Variants in VPS36 observed in about 807,000 individuals in gnomAD.
The protein encoded by VPS36 is vacuolar protein-sorting-associated protein 36.
VPS36 carries 31 observed loss-of-function variants against 63.5 expected under a neutral mutation model. The observed-to-expected ratio is 0.49, with a 90% CI of 0.37 to 0.66. The LOEUF (loss-of-function observed/expected upper bound fraction) is 0.66, where lower values mean the gene tolerates loss of function less well. VPS36 is among the 30% of genes least tolerant of loss of function. The probability of loss-of-function intolerance (pLI) is 0.00; values close to 1 mark genes in which losing one functional copy is unlikely to be tolerated. For missense variants in VPS36, 338 were observed against 463.7 expected, an observed-to-expected ratio of 0.73 and a Z score of 2.49; for synonymous variants, 138 against 157.2, an observed-to-expected ratio of 0.88 and a Z score of 0.91.
chr13:52,429,328 T>C, intron 6 of VPS36: 1 of 982,490 alleles, frequency 1.0e-6, no homozygotes, highest in Non-Finnish European at 1.2e-6. Flanking sequence ...CATATTCCAT[T>C]CCCTTTTCCT....
chr13:52,433,760 AAG>A lies in VPS36; in HGVS notation c.442-14_442-13del. 1.3e-6 allele frequency: 2 copies of A among 1,587,708 alleles called. No homozygotes were observed. Among genetic ancestry groups the A allele is most frequent in the Non-Finnish European group, 1.7e-6 (2 of 1,171,684 alleles). On this transcript the variant is annotated splice_polypyrimidine_tract_variant and intron_variant, in intron 5 of 13. Coordinates refer to ENST00000378060, the MANE Select transcript of VPS36 (RefSeq NM_016075.4). ...CTTATTCTTCCTGGCTGAAAAAAAAAAGAGGTAGAAAATAAAACATACAAAAT... is the reference window on the plus strand; with the variant it reads ...CTTATTCTTCCTGGCTGAAAAAAAAAAGGTAGAAAATAAAACATACAAAAT...
At chr13:52,444,166 T>A (rs1360227506) in intron 1 of VPS36, among the ~76,000 whole-genome samples, 1 of 152,200 alleles carries the variant, frequency 6.6e-6, no homozygotes, top group Non-Finnish European at 1.5e-5. Flanking sequence ...AAATAATATG[T>A]TAAAAATATG....
rs748761322 is a variant in VPS36 at position 52,413,362 on chromosome 13, G to GT, written c.*2467dup. 1 of 152,080 alleles carries GT rather than the reference G, an allele frequency of 6.6e-6. No homozygotes were observed. The highest frequency in any genetic ancestry group is 1.5e-5 in the Non-Finnish European group (1 of 67,966). 9.4% of individuals were successfully genotyped at this position (152,080 alleles called of 1,614,324 possible). On this transcript the variant is annotated 3_prime_UTR_variant, in exon 14 of 14. Coordinates refer to ENST00000378060, the MANE Select transcript of VPS36 (RefSeq NM_016075.4). The stretch of plus-strand genomic sequence containing the variant: ...CCATTGTTTTAAGACAACTAAAACA[G>GT]TAAGAGCTCAATGTCATAAGTATTT...
chr13:52,426,982 T>TA lies in VPS36; in HGVS notation c.639+6dup. The TA allele has an allele frequency of 6.2e-7, 1 of 1,606,540 alleles. No individual in the cohort carries two copies. ...TTCAAATGCCTTAAAAAAAGCAACT[T>TA]ATTTACCTCATCTTCTGTGATGTCA... On this transcript the variant is annotated splice_region_variant and intron_variant, in intron 8 of 13. Transcript: ENST00000378060.
chr13:52,416,285 G>T, intron 12 of VPS36, 192 bp from the exon 13 acceptor site: 2 of 581,218 alleles, frequency 3.4e-6, no homozygotes, highest in Non-Finnish European at 6.0e-6. Flanking sequence ...TACAAAAGTT[G>T]AAGTACCCAG....
intron 1 of VPS36, among the ~76,000 whole-genome samples, chr13:52,446,211 A>C (rs1048642001): frequency 7.9e-5 from 12 of 151,580 alleles, no homozygotes; most frequent in African/African-American, 2.9e-4. Context: ...GGTTGCGGTG[A>C]GCCAAGATCG....
chr13:52,433,618 C>A lies in VPS36; in HGVS notation c.528+44G>T, dbSNP rs542934213. On this transcript the variant is annotated intron_variant, in intron 6 of 13. Coordinates refer to ENST00000378060, the MANE Select transcript of VPS36 (RefSeq NM_016075.4). Reference sequence around the variant, plus strand: ...GCACAGCTGTATCTAAAAGAATAGACACAAATGGCTGGAATAGATGGAGAG... The same window carrying A: ...GCACAGCTGTATCTAAAAGAATAGAAACAAATGGCTGGAATAGATGGAGAG... 310 of 1,451,342 alleles carry A rather than the reference C, an allele frequency of 2.1e-4. 3 individuals carry two copies. In the Admixed American group the frequency reaches 5.3e-3, roughly 25 times the overall value. The allele number at this position is 1,451,342 out of a possible 1,614,324, so 89.9% of individuals were successfully genotyped here.
chr13:52,440,231 G>A (rs1056574113), intron 2 of VPS36, among the ~76,000 whole-genome samples: 2 of 151,848 alleles, frequency 1.3e-5, no homozygotes, highest in Non-Finnish European at 2.9e-5. Flanking sequence ...CCCCTGCCTC[G>A]GCCTCCCAAA....
intron 1 of VPS36, among the ~76,000 whole-genome samples, chr13:52,448,533 A>T (rs986665978): frequency 1.3e-5 from 2 of 152,228 alleles, no homozygotes; most frequent in Non-Finnish European, 2.9e-5. Context: ...TTAATTCTGG[A>T]CTAGATCACA....
intron 3 of VPS36, among the ~76,000 whole-genome samples, chr13:52,437,822 C>A (rs539234542): frequency 1.3e-5 from 2 of 151,574 alleles, no homozygotes; most frequent in Admixed American, 1.3e-4. Context: ...CCCAGCTACT[C>A]GGGAGGCTGA....
chr13:52,426,013 G>A lies in VPS36; in HGVS notation c.693C>T (p.Thr231=). Residue 231 remains threonine (T), a synonymous_variant, in exon 9 of 14, where the codon ACC becomes ACT. Transcript: ENST00000378060. ...LLSMGIANPV[T]RETYGSGTQY... ...GTGTGCCTGAGCCGTAGGTTTCTCT[G>A]GTAACTGGGTTAGCTATTCCCATGC... 1.2e-6 allele frequency: 2 copies of A among 1,614,130 alleles called. No homozygotes were observed. The highest frequency in any genetic ancestry group is 1.7e-6 in the Non-Finnish European group (2 of 1,180,020).
intron 12 of VPS36, 153 bp from the exon 13 acceptor site, chr13:52,416,246 A>T: frequency 2.7e-6 from 2 of 740,194 alleles, no homozygotes; most frequent in Non-Finnish European, 4.3e-6. Context: ...CATTCACACT[A>T]TAACTAAATT....
intron 1 of VPS36, among the ~76,000 whole-genome samples, chr13:52,448,726 T>G (rs188064999): frequency 3.3e-5 from 5 of 152,242 alleles, no homozygotes; most frequent in Admixed American, 1.3e-4. Flanking sequence ...CTATCACAGC[T>G]ATACTGCCTG....
At chr13:52,433,539 G>T in intron 6 of VPS36, 123 bp downstream of exon 6, 1 of 795,838 alleles carries the variant, frequency 1.3e-6, no homozygotes, top group Non-Finnish European at 2.0e-6. Flanking sequence ...GAGAATAGGA[G>T]ACTATGTAGC....
In VPS36 at chr13:52,412,909, A is replaced by T. The variant is rs561546942; in HGVS notation, c.*2921T>A. On this transcript the variant is annotated 3_prime_UTR_variant, in exon 14 of 14. Coordinates refer to ENST00000378060, the MANE Select transcript of VPS36 (RefSeq NM_016075.4). ...CACATGCATGGAAATTATTAATGCT[A>T]TAAGAATCTCTTGATATGCAGTTTG... 1 of 152,766 alleles carries T rather than the reference A, an allele frequency of 6.5e-6. No homozygotes were observed. The highest frequency in any genetic ancestry group is 1.5e-5 in the Non-Finnish European group (1 of 68,036). 9.5% of individuals were successfully genotyped at this position (152,766 alleles called of 1,614,324 possible). A position where few individuals can be genotyped will look rare whatever the true frequency, so the allele number is the denominator to read the frequency against.
At chr13:52,443,920 C>T (rs61959668) in intron 1 of VPS36, among the ~76,000 whole-genome samples, 8,493 of 152,080 alleles carry the variant, frequency 0.056, 255 homozygotes, top group South Asian at 0.085. Flanking sequence ...CTCGAGTTAC[C>T]AGAAAGTGGA....
At chr13:52,424,975 T>G in intron 9 of VPS36, among the ~76,000 whole-genome samples, 1 of 141,358 alleles carries the variant, frequency 7.1e-6, no homozygotes, top group African/African-American at 2.7e-5. Context: ...GCGACAATAG[T>G]GAGACTCTGT....
chr13:52,421,079 C>A (rs1958041132), intron 10 of VPS36, among the ~76,000 whole-genome samples: 1 of 152,112 alleles, frequency 6.6e-6, no homozygotes, highest in Admixed American at 6.5e-5. Context: ...CAAGGTTGTG[C>A]CACTGCACTC....
intron 5 of VPS36, among the ~76,000 whole-genome samples, 155 bp from the exon 6 acceptor site, chr13:52,433,903 A>C (rs1213862645): frequency 6.6e-6 from 1 of 152,210 alleles, no homozygotes; most frequent in Non-Finnish European, 1.5e-5. Context: ...CCTTCAAAAC[A>C]TGTGTTTGTT....
Sources: gnomAD v4.1 joint callset for allele counts (sites outside exome capture counted in the v4.1 genomes callset) on GRCh38, gnomAD v4.1.1 for gene constraint, MANE v1.5 for transcripts, NCBI Gene and HGNC (gene_info 2026-07-23, HGNC 2026-07-21) for gene names.